The following CSMD3 variants were observed in gnomAD, a reference collection of about 807,000 sequenced individuals.
The protein encoded by CSMD3 is CUB and sushi domain-containing protein 3.
CSMD3 carries 177 observed loss-of-function variants against 435.2 expected under a neutral mutation model. The observed-to-expected ratio is 0.41, with a 90% confidence interval of 0.36 to 0.46. The LOEUF (loss-of-function observed/expected upper bound fraction) is 0.46. Ranked by LOEUF, CSMD3 falls within the 20% of genes least tolerant of loss-of-function variation. The probability of loss-of-function intolerance (pLI) is 0.34; values close to 1 mark genes in which losing one functional copy is unlikely to be tolerated. For missense variants in CSMD3, 4,265 were observed against 4,504.6 expected (o/e 0.95, Z 1.52); for synonymous variants, 1,656 against 1,520.5 (o/e 1.09, Z -2.07).
Position 112,947,864 on chromosome 8 carries a change from A to G in CSMD3, c.1434T>C (p.Gly478=). ...SNKFSILNEG[G]IKTASNLCPD... ...GGCATAAATTGGAAGCTGTTTTAAT[A>G]CCTCCCTCATTTACTGCAACAGCAG... is the stretch of plus-strand genomic sequence containing the variant. Residue 478 remains glycine, a synonymous_variant, in exon 9 of 71, where the codon GGT becomes GGC. Transcript: ENST00000297405. 6.7e-7 allele frequency: 1 copy of G among 1,481,938 alleles called. No homozygotes were observed. The highest frequency in any genetic ancestry group is 2.3e-5 in the East Asian group (1 of 44,026). The allele number at this position is 1,481,938 out of a possible 1,614,324, so 91.8% of individuals were successfully genotyped here.
At chr8:113,005,411 T>C (rs944732500) in intron 6 of CSMD3, among the ~76,000 whole-genome samples, 1 of 151,962 alleles carries the variant, frequency 6.6e-6, no homozygotes, top group African/African-American at 2.4e-5. Flanking sequence ...GAATCAAAAG[T>C]ATTTGATTCT....
intron 5 of CSMD3, among the ~76,000 whole-genome samples, chr8:113,090,785 T>C (rs2089976907): frequency 6.6e-6 from 1 of 152,154 alleles, no homozygotes; most frequent in African/African-American, 2.4e-5. Flanking sequence ...CAAACATATG[T>C]TGTGAAATCT....
intron 13 of CSMD3, among the ~76,000 whole-genome samples, chr8:112,699,127 C>A (rs188006515): frequency 6.6e-6 from 1 of 152,076 alleles, no homozygotes; most frequent in African/African-American, 2.4e-5. Context: ...GCTCGCGTCC[C>A]CTTCCATGCT....
At chr8:113,313,329 CT>C (rs978099737) in intron 2 of CSMD3, 10 of 148,752 alleles carry the variant, frequency 6.7e-5, no homozygotes, top group South Asian at 2.1e-4. Context: ...TTTCTTTTTT[CT>C]TTTTTTTTTG....
intron 41 of CSMD3, among the ~76,000 whole-genome samples, chr8:112,343,907 G>T (rs1825418454): frequency 6.6e-6 from 1 of 151,924 alleles, no homozygotes; most frequent in Non-Finnish European, 1.5e-5. Context: ...TTTTGAGATA[G>T]AGTCTTGCTC....
intron 10 of CSMD3, among the ~76,000 whole-genome samples, chr8:112,862,142 C>T (rs1472525668): frequency 1.3e-5 from 2 of 151,950 alleles, no homozygotes; most frequent in Non-Finnish European, 2.9e-5. Flanking sequence ...TATAAAACGG[C>T]AAGTAACAAT....
At chr8:112,295,715 A>G in intron 54 of CSMD3, 118 bp downstream of exon 54, 1 of 877,444 alleles carries the variant, frequency 1.1e-6, no homozygotes, top group Non-Finnish European at 1.8e-6. Context: ...TGGATTGTGG[A>G]AATTTACTTT....
Position 112,418,377 on chromosome 8 carries a change from C to G in CSMD3, c.5396-9345G>C, listed in dbSNP as rs187363724. On this transcript the variant is annotated intron_variant, in intron 32 of 70. Coordinates refer to ENST00000297405, the MANE Select transcript of CSMD3 (RefSeq NM_198123.2). ...GAATATTTTAAGACAAAATATTAGA[C>G]ATTTTCATGAATGCAAAATGCTTCC... Among the ~76,000 whole-genome samples, 44 of 152,198 alleles carry G rather than the reference C, an allele frequency of 2.9e-4. No individual in the cohort carries two copies. In the East Asian group the frequency reaches 8.5e-3, roughly 29 times the overall value.
chr8:113,227,083 C>T (rs1269233360), intron 3 of CSMD3, among the ~76,000 whole-genome samples: 1 of 151,448 alleles, frequency 6.6e-6, no homozygotes, highest in Admixed American at 6.6e-5. Context: ...CTCTTGTTCT[C>T]TTCCTTTTGT....
At chr8:113,199,549 A>AT (rs1367506995) in intron 3 of CSMD3, among the ~76,000 whole-genome samples, 1 of 151,782 alleles carries the variant, frequency 6.6e-6, no homozygotes, top group Non-Finnish European at 1.5e-5. Flanking sequence ...TAACTAATAC[A>AT]TTTTATGCTG....
At chr8:113,115,657 G>T (rs1483040729) in intron 4 of CSMD3, among the ~76,000 whole-genome samples, 1 of 152,082 alleles carries the variant, frequency 6.6e-6, no homozygotes, top group African/African-American at 2.4e-5. Flanking sequence ...TTTGACAGTG[G>T]TACGTGTCAC....
chr8:113,414,424 A>G (rs1372628309), intron 1 of CSMD3, among the ~76,000 whole-genome samples: 1 of 152,106 alleles, frequency 6.6e-6, no homozygotes, highest in Admixed American at 6.5e-5. Flanking sequence ...TGATTGATCT[A>G]GTCATTCTCA....
At chr8:112,899,518 A>G (rs1302977786) in intron 10 of CSMD3, among the ~76,000 whole-genome samples, 4 of 144,478 alleles carry the variant, frequency 2.8e-5, no homozygotes, top group South Asian at 2.1e-4. Flanking sequence ...TATTTTCTAT[A>G]TATATATATA....
chr8:113,200,289 T>C (rs982152043), intron 3 of CSMD3, among the ~76,000 whole-genome samples: 1 of 151,840 alleles, frequency 6.6e-6, no homozygotes, highest in African/African-American at 2.4e-5. Flanking sequence ...TCTCCATTGC[T>C]ACCACCTTAT....
chr8:113,145,903 C>A (rs1474674041), intron 4 of CSMD3, among the ~76,000 whole-genome samples: 1 of 151,424 alleles, frequency 6.6e-6, no homozygotes, highest in Non-Finnish European at 1.5e-5. Flanking sequence ...CCATGTGAAA[C>A]AGTTTATAAT....
In CSMD3 at chr8:112,337,715, G is replaced by A. The variant is rs2130967414; in HGVS notation, c.6669C>T (p.Ser2223=). The A allele has an allele frequency of 1.2e-6, 2 of 1,611,878 alleles. No individual in the cohort carries two copies. The highest frequency in any genetic ancestry group is 1.1e-5 in the South Asian group (1 of 90,974). Reference sequence around the variant, plus strand: ...TTCGAAACGGGCGTGGATCAGGACAGCTTTGCAACTGATAGGCTGGAAAGA... The same window carrying A: ...TTCGAAACGGGCGTGGATCAGGACAACTTTGCAACTGATAGGCTGGAAAGA... ...HIVYQAYQLQ[S]CPDPRPFRNG... Residue 2223 remains serine, a synonymous_variant, in exon 43 of 71, where the codon AGC becomes AGT. Transcript: ENST00000297405.
Position 112,599,205 on chromosome 8 carries a change from G to A in CSMD3, c.3716-11970C>T, listed in dbSNP as rs1017688663. ...AAAACAACCCCATCAAAAAGTGGGC[G>A]AAGGACATGAACAGACACTTCTCAA... On this transcript the variant is annotated intron_variant, in intron 22 of 70. Coordinates refer to ENST00000297405, the MANE Select transcript of CSMD3 (RefSeq NM_198123.2). 4.0e-3 allele frequency among the ~76,000 whole-genome samples: 591 copies of A among 149,104 alleles called. 5 individuals are homozygous for A. The highest frequency in any genetic ancestry group is 0.012 in the African/African-American group (498 of 40,470).
chr8:112,942,324 C>G (rs545208786), intron 9 of CSMD3, among the ~76,000 whole-genome samples: 49 of 150,634 alleles, frequency 3.3e-4, no homozygotes, highest in African/African-American at 1.2e-3. Flanking sequence ...TCTCAAAGAA[C>G]TTAGAACTAC....
chr8:113,112,442 T>C (rs2090681532), intron 4 of CSMD3, among the ~76,000 whole-genome samples: 1 of 18,888 alleles, frequency 5.3e-5, no homozygotes, highest in Non-Finnish European at 9.0e-5. Context: ...TATATATATA[T>C]ATATATGTAT....
Sources: allele counts gnomAD v4.1 joint callset (sites outside exome capture counted in the v4.1 genomes callset), GRCh38; gene constraint gnomAD v4.1.1; transcripts MANE v1.5; gene names NCBI Gene and HGNC (gene_info 2026-07-23, HGNC 2026-07-21).